The following PTPRG variants were observed in gnomAD, a reference collection of about 807,000 sequenced individuals.
PTPRG encodes protein tyrosine phosphatase receptor type G, also known as receptor-type tyrosine-protein phosphatase gamma.
In PTPRG, 102 loss-of-function variants were observed where a neutral mutation model predicts 165.3. The observed-to-expected ratio is 0.62, with a 90% confidence interval of 0.53 to 0.73. The LOEUF is 0.73. PTPRG is among the 30% of genes least tolerant of loss of function. PTPRG has a pLI of 0.00. For synonymous variants in PTPRG, 675 were observed against 669.5 expected (o/e 1.01, Z -0.13); for missense variants, 1,866 against 1,861.4 (o/e 1.00, Z -0.05).
At chr3:62,156,225 A>G (rs1327959382) in intron 6 of PTPRG, among the ~76,000 whole-genome samples, 2 of 151,882 alleles carry the variant, frequency 1.3e-5, no homozygotes, top group African/African-American at 4.8e-5. Flanking sequence ...CACCTGGCTA[A>G]CCTCAGTGCC....
intron 5 of PTPRG, among the ~76,000 whole-genome samples, chr3:62,119,010 G>A (rs1487173845): frequency 1.3e-5 from 2 of 152,186 alleles, no homozygotes; most frequent in Non-Finnish European, 2.9e-5. Context: ...GTTAGCACCA[G>A]CTCTGTATTG....
In PTPRG at chr3:62,079,978, T is replaced by G. The variant is rs112230683; in HGVS notation, c.615+1720T>G. Among the ~76,000 whole-genome samples the G allele has an allele frequency of 3.8e-3, 579 of 152,194 alleles. 1 individual carries two copies. The highest frequency in any genetic ancestry group is 0.013 in the African/African-American group (550 of 41,526). On this transcript the variant is annotated intron_variant, in intron 5 of 29. Coordinates refer to ENST00000474889, the MANE Select transcript of PTPRG (RefSeq NM_002841.4). ...TGGGATGGAGACCCCATGGTATACATATTATCTTTTTATGAACAGAAGTAT... is the reference window on the plus strand; with the variant it reads ...TGGGATGGAGACCCCATGGTATACAGATTATCTTTTTATGAACAGAAGTAT...
chr3:61,764,268 A>G (rs1407866902), intron 2 of PTPRG, among the ~76,000 whole-genome samples: 1 of 152,084 alleles, frequency 6.6e-6, no homozygotes, highest in African/African-American at 2.4e-5. Flanking sequence ...ATCTTTGGAG[A>G]AATACAGTGA....
At chr3:61,708,407 T>G (rs1185149465) in intron 1 of PTPRG, among the ~76,000 whole-genome samples, 1 of 151,092 alleles carries the variant, frequency 6.6e-6, no homozygotes, top group East Asian at 1.9e-4. Context: ...CCAAAACTTC[T>G]TATATCTTCC....
chr3:61,684,975 C>T (rs1304390183), intron 1 of PTPRG, among the ~76,000 whole-genome samples: 2 of 152,142 alleles, frequency 1.3e-5, no homozygotes, highest in Non-Finnish European at 2.9e-5. Flanking sequence ...AGTCTAGTCT[C>T]CTGGAGATGA....
chr3:62,180,044 G>A, intron 8 of PTPRG, among the ~76,000 whole-genome samples: 1 of 152,190 alleles, frequency 6.6e-6, no homozygotes, highest in East Asian at 1.9e-4. Context: ...ACCAAGCCGA[G>A]CAGACTACCT....
rs1216932004 is a variant in PTPRG at position 62,004,122 on chromosome 3, G to A, written c.519+625G>A. 3.3e-5 allele frequency among the ~76,000 whole-genome samples: 5 copies of A among 152,294 alleles called. No homozygotes were observed. In the East Asian group the frequency reaches 9.7e-4, roughly 29 times the overall value. ...AGAGCCAGGGTGAGGGCGGGAGCAT[G>A]TCTCCAACTCCTTTATTAATGTTGA... On this transcript the variant is annotated intron_variant, in intron 4 of 29. Transcript: ENST00000474889.
chr3:62,289,624 C>G (rs1361563098), intron 28 of PTPRG, among the ~76,000 whole-genome samples: 1 of 150,120 alleles, frequency 6.7e-6, no homozygotes, highest in African/African-American at 2.5e-5. Context: ...TCAGTGAATT[C>G]AGGACATTTT....
intron 2 of PTPRG, among the ~76,000 whole-genome samples, chr3:61,846,522 T>G (rs1394141977): frequency 6.6e-6 from 1 of 152,194 alleles, no homozygotes; most frequent in African/African-American, 2.4e-5. Context: ...GAACTTGGGC[T>G]TCCTCCTTGG....
chr3:61,719,898 T>C (rs2031977675), intron 1 of PTPRG, among the ~76,000 whole-genome samples: 1 of 152,192 alleles, frequency 6.6e-6, no homozygotes, highest in African/African-American at 2.4e-5. Flanking sequence ...CCCAACTTGC[T>C]CTTGACTGCT....
intron 4 of PTPRG, among the ~76,000 whole-genome samples, chr3:62,048,439 T>G (rs1559766320): frequency 6.6e-6 from 1 of 152,216 alleles, no homozygotes; most frequent in Non-Finnish European, 1.5e-5. Flanking sequence ...GACCTCTAAG[T>G]ATAGACAAAA....
At position 62,224,968 on chromosome 3, in the gene PTPRG, G is replaced by A. The variant is rs943667669; in HGVS notation, c.2288+5985G>A. The stretch of plus-strand genomic sequence containing the variant: ...GCAAAGTGATTTTGGACAAGGGGCA[G>A]GGTTGTGAGGCAGATAATAAAAATA... On this transcript the variant is annotated intron_variant, in intron 13 of 29. Transcript: ENST00000474889. This position sits in a 1 kb window ranked among gnomAD's most constrained non-coding sequence, Gnocchi z 4.9. Among the ~76,000 whole-genome samples the A allele has an allele frequency of 2.0e-5, 3 of 152,138 alleles. No individual in the cohort carries two copies. The highest frequency in any genetic ancestry group is 7.2e-5 in the African/African-American group (3 of 41,414).
chr3:61,916,028 T>C (rs981775004), intron 2 of PTPRG, among the ~76,000 whole-genome samples: 2 of 152,342 alleles, frequency 1.3e-5, no homozygotes, highest in Admixed American at 1.3e-4. Context: ...TTAATTCTTA[T>C]GCATAAAAAT....
At chr3:61,674,017 A>G (rs1259538160) in intron 1 of PTPRG, among the ~76,000 whole-genome samples, 1 of 143,000 alleles carries the variant, frequency 7.0e-6, no homozygotes, top group African/African-American at 2.5e-5. Flanking sequence ...AACATCACAC[A>G]CTGGCGTCTT....
chr3:61,681,009 C>G (rs566176332), intron 1 of PTPRG, among the ~76,000 whole-genome samples: 2 of 57,062 alleles, frequency 3.5e-5, no homozygotes, highest in African/African-American at 5.0e-5. Flanking sequence ...AGATGAGCAG[C>G]TTTGCTTTTT....
chr3:61,930,352 T>G (rs76974463), intron 2 of PTPRG, among the ~76,000 whole-genome samples: 1,592 of 152,316 alleles, frequency 0.01, 29 homozygotes, highest in African/African-American at 0.036. Context: ...CCAACGAGTT[T>G]ATTCCAACAA....
At chr3:62,085,228 A>G (rs1198952335) in intron 5 of PTPRG, among the ~76,000 whole-genome samples, 1 of 152,208 alleles carries the variant, frequency 6.6e-6, no homozygotes, top group African/African-American at 2.4e-5. Context: ...TGGGTTTTTG[A>G]AAAGCATATA....
intron 1 of PTPRG, among the ~76,000 whole-genome samples, chr3:61,713,737 G>A (rs13433865): frequency 6.6e-6 from 1 of 152,134 alleles, no homozygotes; most frequent in Non-Finnish European, 1.5e-5. Flanking sequence ...GGCAGGCAGC[G>A]TGTCCCAATT....
chr3:61,797,277 A>G (rs2035077609), intron 2 of PTPRG, among the ~76,000 whole-genome samples: 1 of 152,186 alleles, frequency 6.6e-6, no homozygotes, highest in Non-Finnish European at 1.5e-5. Flanking sequence ...AAATCGGAAT[A>G]TACTTTTCAT....
Sources: gnomAD v4.1 joint callset for allele counts (sites outside exome capture counted in the v4.1 genomes callset) on GRCh38, gnomAD v4.1.1 for gene constraint, Gnocchi (gnomAD v3.1) non-coding constraint, MANE v1.5 for transcripts, NCBI Gene and HGNC (gene_info 2026-07-23, HGNC 2026-07-21) for gene names.